The following CLSTN3 variants were observed in gnomAD, a reference collection of about 807,000 sequenced individuals.
The protein encoded by CLSTN3 is calsyntenin 3, also known as calsyntenin-3.
Under a neutral mutation model 95.9 loss-of-function variants are expected in CLSTN3, and 36 were observed. The observed-to-expected ratio is 0.38, with a 90% confidence interval of 0.29 to 0.50. The LOEUF (loss-of-function observed/expected upper bound fraction) is 0.50. Ranked by LOEUF, CLSTN3 falls within the 20% of genes least tolerant of loss-of-function variation. The pLI is 0.95. For missense variants in CLSTN3, 1,084 were observed against 1,268.8 expected (o/e 0.85, Z 2.21); for synonymous variants, 481 against 504.0 (o/e 0.95, Z 0.61).
chr12:7,141,553 A>C lies in CLSTN3; in HGVS notation c.1486+149A>C. The C allele has an allele frequency of 3.7e-6, 3 of 814,132 alleles. No individual in the cohort carries two copies. Among genetic ancestry groups the C allele is most frequent in the Non-Finnish European group, 6.1e-6 (3 of 491,712 alleles). 50.4% of individuals were successfully genotyped at this position (814,132 alleles called of 1,614,324 possible). On this transcript the variant is annotated intron_variant, in intron 9 of 17. Coordinates refer to ENST00000266546, the MANE Select transcript of CLSTN3 (RefSeq NM_014718.4). This position sits in a 1 kb window ranked among gnomAD's most constrained non-coding sequence, Gnocchi z 4.1. ...GGTGACTCTGAAGATCTCCATGGGA[A>C]GGGACCACAGCCTCCCTCCCGTATC...
At position 7,141,442 on chromosome 12, in the gene CLSTN3, T is replaced by G; in HGVS notation, c.1486+38T>G. 6.2e-7 allele frequency: 1 copy of G among 1,612,510 alleles called. No individual in the cohort carries two copies. The highest frequency in any genetic ancestry group is 8.5e-7 in the Non-Finnish European group (1 of 1,178,862). ...GTGAAGACTCCAGTGGTTCAGGATT[T>G]GGGAAGGGAGGTAGGCTGGTGAGGA... On this transcript the variant is annotated intron_variant, in intron 9 of 17. Coordinates refer to ENST00000266546, the MANE Select transcript of CLSTN3 (RefSeq NM_014718.4). The surrounding 1 kb of genome is among the most constrained non-coding windows in gnomAD (Gnocchi z 4.1).
In CLSTN3 at chr12:7,130,543, C is replaced by G; in HGVS notation, c.-106C>G. 3.9e-6 allele frequency: 6 copies of G among 1,545,544 alleles called. No homozygotes were observed. The highest frequency in any genetic ancestry group is 5.2e-6 in the Non-Finnish European group (6 of 1,146,652). The stretch of plus-strand genomic sequence containing the variant: ...CCTTTCCGTCCCTGCCCTGCTGTAC[C>G]CCGCTCCTTGGAGACCCCCTGTATC... On this transcript the variant is annotated 5_prime_UTR_variant, in exon 1 of 18. Transcript: ENST00000266546.
chr12:7,141,172 G>A lies in CLSTN3; in HGVS notation c.1324-70G>A. On this transcript the variant is annotated intron_variant, in intron 8 of 17. Transcript: ENST00000266546. The surrounding 1 kb of genome is among the most constrained non-coding windows in gnomAD (Gnocchi z 4.1). ...TGTCCCCTGTCTCCCAGGAGATGGG[G>A]CAGTGCCTAGGGTTAGCTCTCTGAA... The A allele has an allele frequency of 2.0e-6, 3 of 1,486,294 alleles. No individual in the cohort carries two copies. Among genetic ancestry groups the A allele is most frequent in the East Asian group, 2.3e-5 (1 of 43,580 alleles). 92.1% of individuals were successfully genotyped at this position (1,486,294 alleles called of 1,614,324 possible). A position where few individuals can be genotyped will look rare whatever the true frequency, so the allele number is the denominator to read the frequency against.
At position 7,139,880 on chromosome 12, in the gene CLSTN3, G is replaced by A. The variant is rs1252688862; in HGVS notation, c.1324-1362G>A. ...GCCAGGATGGTCTTGATCTCTTGAC[G>A]TGATCCACCCACCTTGGCCTCCTAA... On this transcript the variant is annotated intron_variant, in intron 8 of 17. Coordinates refer to ENST00000266546, the MANE Select transcript of CLSTN3 (RefSeq NM_014718.4). Among the ~76,000 whole-genome samples, 8 of 152,214 alleles carry A rather than the reference G, an allele frequency of 5.3e-5. No individual in the cohort carries two copies. In the East Asian group the frequency reaches 1.2e-3, roughly 22 times the overall value.
In CLSTN3 at chr12:7,149,779, C is replaced by A; in HGVS notation, c.2245+86C>A. 1 of 1,293,656 alleles carries A rather than the reference C, an allele frequency of 7.7e-7. No individual in the cohort carries two copies. Among genetic ancestry groups the A allele is most frequent in the Admixed American group, 2.3e-5 (1 of 42,860 alleles). The allele number at this position is 1,293,656 out of a possible 1,614,324, so 80.1% of individuals were successfully genotyped here. A position where few individuals can be genotyped will look rare whatever the true frequency, so the allele number is the denominator to read the frequency against. On this transcript the variant is annotated intron_variant, in intron 14 of 17. Transcript: ENST00000266546. This position sits in a 1 kb window ranked among gnomAD's most constrained non-coding sequence, Gnocchi z 4.5. ...CTAGGAAGCCCAGAGGGTCCTCCTT[C>A]CAGGTCCAGGGATGTGGACAAGTGC...
chr12:7,152,141 G>A (rs1489896160), intron 16 of CLSTN3, among the ~76,000 whole-genome samples: 1 of 151,428 alleles, frequency 6.6e-6, no homozygotes, highest in Non-Finnish European at 1.5e-5. Context: ...GATAATATGA[G>A]TATTCTGTTC....
At chr12:7,136,151 G>T (rs932149847) in intron 5 of CLSTN3, 55 bp from the exon 6 acceptor site, 25 of 1,572,148 alleles carry the variant, frequency 1.6e-5, no homozygotes, top group Non-Finnish European at 2.2e-5. Context: ...CATGGAGAGG[G>T]GAGGCTGCTT....
rs368460302 is a variant in CLSTN3, at chr12:7,158,073, C to T, written c.2863C>T (p.Arg955Cys). The T allele has an allele frequency of 2.6e-5, 40 of 1,531,952 alleles. No homozygotes were observed. The highest frequency in any genetic ancestry group is 2.9e-5 in the Non-Finnish European group (33 of 1,135,500). 94.9% of individuals were successfully genotyped at this position (1,531,952 alleles called of 1,614,324 possible). Reference sequence around the variant, plus strand: ...ACGCATCATCGAGACCCCCCCACACCGCTACTAAGGCCTACACCTCTCCCC... The same window carrying T: ...ACGCATCATCGAGACCCCCCCACACTGCTACTAAGGCCTACACCTCTCCCC... ...ERRIIETPPH[R>C]Y Residue 955 changes from arginine to cysteine, a missense_variant, in exon 18 of 18, where the codon CGC becomes TGC. By Grantham distance (180) the Arg-to-Cys change is radical (BLOSUM62 -3). Transcript: ENST00000266546.
At chr12:7,148,904 A>G (rs1049178756) in intron 12 of CLSTN3, 68 bp from the exon 13 acceptor site, 1 of 1,376,082 alleles carries the variant, frequency 7.3e-7, no homozygotes. Flanking sequence ...CGGGGAGTGA[A>G]ACAGAATGTG....
In CLSTN3 at chr12:7,157,876, C is replaced by T; in HGVS notation, c.2731-65C>T. On this transcript the variant is annotated intron_variant, in intron 17 of 17. Coordinates refer to ENST00000266546, the MANE Select transcript of CLSTN3 (RefSeq NM_014718.4). This position sits in a 1 kb window ranked among gnomAD's most constrained non-coding sequence, Gnocchi z 5.9. Reference sequence around the variant, plus strand: ...AAGGGGACCGAGGGAAGTGTGGTCCCTGAAAGAGAGGCTGGGATGTGTGCA... The same window carrying T: ...AAGGGGACCGAGGGAAGTGTGGTCCTTGAAAGAGAGGCTGGGATGTGTGCA... 2 of 1,540,812 alleles carry T rather than the reference C, an allele frequency of 1.3e-6. No individual in the cohort carries two copies. The highest frequency in any genetic ancestry group is 2.4e-5 in the South Asian group (2 of 83,708).
chr12:7,130,364 T>A (rs1279197844), upstream of CLSTN3: 1 of 1,336,676 alleles, frequency 7.5e-7, no homozygotes, highest in African/African-American at 1.5e-5. Context: ...CCGGCTGTGC[T>A]GACGTCATCC....
intron 10 of CLSTN3, 133 bp from the exon 11 acceptor site, chr12:7,142,736 G>GTTTCCACATTTCTCCTTTTTTT: frequency 9.1e-6 from 1 of 109,734 alleles, no homozygotes; most frequent in South Asian, 1.3e-4. Flanking sequence ...TTTTTTTTTT[G>GTTTCCACATTTCTCCTTTTTTT]GTTTCCACAT....
Position 7,133,270 on chromosome 12 carries a change from C to A in CLSTN3, c.187+124C>A. ...GAAAGTAAGGGAAGATAAAAGTGGG[C>A]TCAAGGAGGGGAATGGTCTCCACTG... On this transcript the variant is annotated intron_variant, in intron 2 of 17. Transcript: ENST00000266546. This position sits in a 1 kb window ranked among gnomAD's most constrained non-coding sequence, Gnocchi z 4.7. The A allele has an allele frequency of 7.7e-7, 1 of 1,298,638 alleles. No individual in the cohort carries two copies. Among genetic ancestry groups the A allele is most frequent in the Non-Finnish European group, 1.1e-6 (1 of 939,510 alleles). 80.4% of individuals were successfully genotyped at this position (1,298,638 alleles called of 1,614,324 possible).
chr12:7,135,545 C>T lies in CLSTN3; in HGVS notation c.592+10C>T, dbSNP rs1386953079. On this transcript the variant is annotated intron_variant, in intron 4 of 17. Transcript: ENST00000266546. ...CTCATTGACAATGACGGTGAGTCCA[C>T]CCCTGGCTTCCCTGGCCACCCAGTT... 1.2e-6 allele frequency: 2 copies of T among 1,613,024 alleles called. No individual in the cohort carries two copies. Among genetic ancestry groups the T allele is most frequent in the Non-Finnish European group, 8.5e-7 (1 of 1,179,004 alleles).
chr12:7,147,281 T>C (rs968977317), intron 12 of CLSTN3, among the ~76,000 whole-genome samples: 1 of 149,926 alleles, frequency 6.7e-6, no homozygotes, highest in African/African-American at 2.5e-5. Flanking sequence ...ACACCTGTGG[T>C]CCCAGCTCCT....
In CLSTN3 at chr12:7,135,372, A is replaced by G. The variant is rs1251629108; in HGVS notation, c.429A>G (p.Pro143=). The change falls in exon 4 of 18, where the codon CCA becomes CCG. Residue 143 remains proline (P), a synonymous_variant. Coordinates refer to ENST00000266546, the MANE Select transcript of CLSTN3 (RefSeq NM_014718.4). ...TCAACGATGTGAACGAGTTTGCCCCAGTGTTTGTGGAACGGCTGTATCGTG... is the reference window on the plus strand; with the variant it reads ...TCAACGATGTGAACGAGTTTGCCCCGGTGTTTGTGGAACGGCTGTATCGTG... ...VRVNDVNEFA[P]VFVERLYRAA... is the part of the protein sequence containing the mutation. The G allele has an allele frequency of 4.3e-6, 7 of 1,614,092 alleles. No homozygotes were observed. Among genetic ancestry groups the G allele is most frequent in the Admixed American group, 1.7e-5 (1 of 60,024 alleles).
intron 16 of CLSTN3, among the ~76,000 whole-genome samples, chr12:7,153,864 C>A (rs997148947): frequency 3.9e-5 from 6 of 152,188 alleles, no homozygotes; most frequent in Admixed American, 3.3e-4. Flanking sequence ...CCCTGAGTGT[C>A]CAGCTGCCCT....
At chr12:7,148,156 A>AAAAGAAAGAAAAAG (rs1939653960) in intron 12 of CLSTN3, among the ~76,000 whole-genome samples, 1 of 135,404 alleles carries the variant, frequency 7.4e-6, no homozygotes, top group African/African-American at 2.8e-5. Flanking sequence ...AACTCCATCA[A>AAAAGAAAGAAAAAG]AAAGAAAGAA....
rs1456575688 is a variant in CLSTN3 at position 7,150,276 on chromosome 12, TC to T, written c.2246-267del. Among the ~76,000 whole-genome samples, 3 of 152,214 alleles carry T rather than the reference TC, an allele frequency of 2.0e-5. No individual in the cohort carries two copies. The highest frequency in any genetic ancestry group is 2.4e-5 in the African/African-American group (1 of 41,450). The stretch of plus-strand genomic sequence containing the variant: ...TGCTTGCCATCTCCCTTTCTGTCTT[TC>T]AGGATGTCTTTATCTCCTTCTTTCC... On this transcript the variant is annotated intron_variant, in intron 14 of 17. Transcript: ENST00000266546. The surrounding 1 kb of genome is among the most constrained non-coding windows in gnomAD (Gnocchi z 4.0).
Sources: gnomAD v4.1 joint callset for allele counts (sites outside exome capture counted in the v4.1 genomes callset) on GRCh38, gnomAD v4.1.1 for gene constraint, Gnocchi (gnomAD v3.1) non-coding constraint, MANE v1.5 for transcripts, NCBI Gene and HGNC (gene_info 2026-07-23, HGNC 2026-07-21) for gene names.